Variants in ANO10 observed in about 807,000 individuals in gnomAD.
The protein encoded by ANO10 is anoctamin-10.
A neutral mutation model predicts 74.7 loss-of-function variants in ANO10; 77 were observed. That is an observed-to-expected ratio of 1.03 (90% confidence interval 0.86 to 1.25). ANO10 has a LOEUF of 1.25. Among genes scored for constraint, ANO10 ranks in the 50% most tolerant of loss-of-function variants. The probability of loss-of-function intolerance (pLI) is 0.00; values close to 1 mark genes in which losing one functional copy is unlikely to be tolerated. For synonymous variants in ANO10, 279 were observed against 284.9 expected, an observed-to-expected ratio of 0.98 and a Z score of 0.21; for missense variants, 721 against 778.1, an observed-to-expected ratio of 0.93 and a Z score of 0.87.
chr3:43,419,858 A>T (rs2092794399), intron 12 of ANO10, among the ~76,000 whole-genome samples: 2 of 152,136 alleles, frequency 1.3e-5, no homozygotes, highest in African/African-American at 4.8e-5. Context: ...TGAGTTACAT[A>T]TGGGTTCACT....
chr3:43,677,875 G>A (rs985236189), intron 1 of ANO10, among the ~76,000 whole-genome samples: 1 of 152,222 alleles, frequency 6.6e-6, no homozygotes, highest in African/African-American at 2.4e-5. Context: ...CATTGGAAAT[G>A]ACACAGCATC....
chr3:43,680,815 A>G (rs2084185896), intron 1 of ANO10, among the ~76,000 whole-genome samples: 1 of 152,218 alleles, frequency 6.6e-6, no homozygotes, highest in Non-Finnish European at 1.5e-5. Context: ...AATATTTCAT[A>G]TCCAGCCAAA....
At chr3:43,436,610 AG>A (rs2093071178) in intron 11 of ANO10, among the ~76,000 whole-genome samples, 1 of 152,180 alleles carries the variant, frequency 6.6e-6, no homozygotes, top group African/African-American at 2.4e-5. Context: ...AGGGAAAAAA[AG>A]TAACAGGACC....
chr3:43,639,547 G>A (rs933915877), intron 1 of ANO10, among the ~76,000 whole-genome samples: 4 of 152,150 alleles, frequency 2.6e-5, no homozygotes, highest in South Asian at 2.1e-4. Flanking sequence ...GGCGGATCAC[G>A]AGGTCAGGAG....
chr3:43,536,796 T>G (rs1405336912), intron 11 of ANO10, among the ~76,000 whole-genome samples: 3 of 152,088 alleles, frequency 2.0e-5, no homozygotes, highest in Admixed American at 6.6e-5. Flanking sequence ...AAAATCTACT[T>G]TTTTCATCTT....
intron 5 of ANO10, among the ~76,000 whole-genome samples, 172 bp from the exon 6 acceptor site, chr3:43,577,433 T>A (rs1256241330): frequency 6.6e-6 from 1 of 152,218 alleles, no homozygotes; most frequent in Non-Finnish European, 1.5e-5. Flanking sequence ...CCTGCTTGTC[T>A]GCATGGCAGG....
intron 12 of ANO10, among the ~76,000 whole-genome samples, chr3:43,416,796 A>C (rs2092745186): frequency 6.6e-6 from 1 of 152,170 alleles, no homozygotes; most frequent in African/African-American, 2.4e-5. Context: ...CTCTTAATCC[A>C]ACCAAGTTTA....
chr3:43,479,294 T>C (rs1026268952), intron 11 of ANO10, among the ~76,000 whole-genome samples: 1 of 152,256 alleles, frequency 6.6e-6, no homozygotes. Flanking sequence ...TGAAAGTTTC[T>C]ATACCTAATT....
intron 11 of ANO10, among the ~76,000 whole-genome samples, chr3:43,469,154 T>G (rs2075754712): frequency 6.9e-6 from 1 of 144,532 alleles, no homozygotes; most frequent in African/African-American, 2.5e-5. Context: ...GCGATTCTCC[T>G]GCCTCAGCCT....
intron 1 of ANO10, among the ~76,000 whole-genome samples, chr3:43,668,713 C>T (rs892160179): frequency 1.3e-5 from 2 of 151,906 alleles, no homozygotes; most frequent in African/African-American, 4.8e-5. Context: ...TTTTTGTATG[C>T]TTTGTTGAAG....
chr3:43,574,326 A>G (rs2080893531), intron 7 of ANO10, among the ~76,000 whole-genome samples: 1 of 146,016 alleles, frequency 6.8e-6, no homozygotes, highest in South Asian at 2.2e-4. Flanking sequence ...GCTGGAGTGC[A>G]ATGGTACCAT....
At chr3:43,502,332 T>C (rs1187837650) in intron 11 of ANO10, among the ~76,000 whole-genome samples, 1 of 152,184 alleles carries the variant, frequency 6.6e-6, no homozygotes, top group Admixed American at 6.5e-5. Flanking sequence ...GTTTGGGTCA[T>C]GGGGGCAGAT....
chr3:43,578,749 CAAAAAAAAAA>C (rs56186109), intron 5 of ANO10, among the ~76,000 whole-genome samples: 5,100 of 64,204 alleles, frequency 0.079, 156 homozygotes, highest in South Asian at 0.13. Context: ...GACTCCATCT[CAAAAAAAAAA>C]AAAAAAAAAA....
At chr3:43,497,588 A>ACTGAAT (rs954516441) in intron 11 of ANO10, among the ~76,000 whole-genome samples, 1 of 152,086 alleles carries the variant, frequency 6.6e-6, no homozygotes, top group African/African-American at 2.4e-5. Context: ...AATCCACCCT[A>ACTGAAT]CTGAATCTTT....
At chr3:43,385,367 C>CTTT (rs1380668862) in intron 12 of ANO10, among the ~76,000 whole-genome samples, 6 of 152,126 alleles carry the variant, frequency 3.9e-5, no homozygotes, top group Non-Finnish European at 8.8e-5. Flanking sequence ...CCTTAAATAA[C>CTTT]TAAAAATAGA....
At chr3:43,671,950 T>C (rs2084064446) in intron 1 of ANO10, among the ~76,000 whole-genome samples, 1 of 152,186 alleles carries the variant, frequency 6.6e-6, no homozygotes. Flanking sequence ...TCAGCACAGC[T>C]AAAAAGTCTT....
chr3:43,551,188 CA>C (rs2079440775), intron 10 of ANO10, among the ~76,000 whole-genome samples: 1 of 152,132 alleles, frequency 6.6e-6, no homozygotes, highest in South Asian at 2.1e-4. Flanking sequence ...CATCATTTAA[CA>C]AATGTGGAAT....
At chr3:43,603,125 A>C (rs1422494342) in intron 2 of ANO10, among the ~76,000 whole-genome samples, 1 of 152,146 alleles carries the variant, frequency 6.6e-6, no homozygotes, top group Non-Finnish European at 1.5e-5. Context: ...ATTTTCCCAA[A>C]AGTTGCTGTC....
chr3:43,556,288 G>GT (rs2079746312), intron 9 of ANO10, among the ~76,000 whole-genome samples: 1 of 152,186 alleles, frequency 6.6e-6, no homozygotes, highest in South Asian at 2.1e-4. Context: ...AAATTGCACT[G>GT]TTTCAGGCTG....
Sources: allele counts gnomAD v4.1 joint callset (sites outside exome capture counted in the v4.1 genomes callset), GRCh38; gene constraint gnomAD v4.1.1; transcripts MANE v1.5; gene names NCBI Gene and HGNC (gene_info 2026-07-23, HGNC 2026-07-21).